DLGAP1: variants seen among roughly 807,000 people sequenced by gnomAD.
The protein encoded by DLGAP1 is DLG associated protein 1, also known as disks large-associated protein 1.
A neutral mutation model predicts 90.8 loss-of-function variants in DLGAP1; 11 were observed. The ratio of observed to expected loss-of-function variants is 0.12; its 90% CI spans 0.08 to 0.20. DLGAP1 has a LOEUF of 0.20. Ranked by LOEUF, DLGAP1 falls within the 10% of genes least tolerant of loss-of-function variation. The pLI, the probability that DLGAP1 is intolerant of heterozygous loss-of-function variation, is 1.00. For synonymous variants in DLGAP1, 558 were observed against 540.7 expected (o/e 1.03, Z -0.44); for missense variants, 1,050 against 1,333.8 (o/e 0.79, Z 3.31).
intron 7 of DLGAP1, among the ~76,000 whole-genome samples, chr18:3,649,701 C>T (rs1037888862): frequency 4.6e-5 from 7 of 151,948 alleles, no homozygotes; most frequent in Non-Finnish European, 7.3e-5. Context: ...CCTAGGGTCC[C>T]CCTTAAACTT....
intron 7 of DLGAP1, among the ~76,000 whole-genome samples, chr18:3,583,143 G>GACCTACCT (rs764967145): frequency 0.035 from 4,017 of 113,626 alleles, 110 homozygotes; most frequent in Non-Finnish European, 0.053. Flanking sequence ...CTGACTGACC[G>GACCTACCT]ACCTACCTAC....
At chr18:3,550,801 G>T (rs1489485645) in intron 9 of DLGAP1, among the ~76,000 whole-genome samples, 1 of 145,688 alleles carries the variant, frequency 6.9e-6, no homozygotes, top group Non-Finnish European at 1.5e-5. Flanking sequence ...GAGTGCAGTG[G>T]CTCAATCTCA....
At chr18:4,272,728 A>T (rs1176623927) in intron 1 of DLGAP1, among the ~76,000 whole-genome samples, 1 of 152,226 alleles carries the variant, frequency 6.6e-6, no homozygotes, top group Non-Finnish European at 1.5e-5. Flanking sequence ...AGTGGCCTAC[A>T]TTGTATGCCC....
intron 7 of DLGAP1, among the ~76,000 whole-genome samples, chr18:3,631,213 AC>A (rs2058512982): frequency 6.6e-6 from 1 of 151,526 alleles, no homozygotes; most frequent in African/African-American, 2.4e-5. Context: ...TGAACTCCTG[AC>A]CTCAGGTGAT....
chr18:4,018,495 T>C (rs1305881170), intron 2 of DLGAP1, among the ~76,000 whole-genome samples: 3 of 152,252 alleles, frequency 2.0e-5, no homozygotes, highest in Non-Finnish European at 2.9e-5. Flanking sequence ...ACGAGTACCT[T>C]GGCTCTGAAG....
intron 2 of DLGAP1, among the ~76,000 whole-genome samples, chr18:4,094,623 T>G (rs1447161258): frequency 3.3e-5 from 4 of 122,510 alleles, no homozygotes; most frequent in Non-Finnish European, 5.4e-5. Flanking sequence ...TTTTTTTTTT[T>G]GTCTTGTTTT....
At chr18:3,693,929 G>A (rs1048257163) in intron 7 of DLGAP1, among the ~76,000 whole-genome samples, 7 of 152,050 alleles carry the variant, frequency 4.6e-5, no homozygotes, top group African/African-American at 1.5e-4. Flanking sequence ...TGTGCAGAAC[G>A]TGCAGGTTTG....
At chr18:4,069,715 G>A (rs927288317) in intron 2 of DLGAP1, among the ~76,000 whole-genome samples, 2 of 152,076 alleles carry the variant, frequency 1.3e-5, no homozygotes, top group African/African-American at 2.4e-5. Flanking sequence ...TTCCCATACC[G>A]TTTGCAGAAC....
At chr18:3,880,309 G>A (rs1365226771) in intron 3 of DLGAP1, among the ~76,000 whole-genome samples, 169 bp from the exon 4 acceptor site, 1 of 151,860 alleles carries the variant, frequency 6.6e-6, no homozygotes, top group Non-Finnish European at 1.5e-5. Context: ...CCAGCCTCCC[G>A]AGTAGCTAGG....
At chr18:4,439,890 G>A (rs984225949) in intron 1 of DLGAP1, among the ~76,000 whole-genome samples, 9 of 152,002 alleles carry the variant, frequency 5.9e-5, no homozygotes, top group African/African-American at 1.4e-4. Flanking sequence ...AGACTGAGGC[G>A]GGCAGATCAC....
chr18:3,834,001 C>T (rs1385531556), intron 4 of DLGAP1, among the ~76,000 whole-genome samples: 1 of 152,242 alleles, frequency 6.6e-6, no homozygotes, highest in East Asian at 1.9e-4. Context: ...TTATCCAACT[C>T]ATAAATTGGT....
intron 7 of DLGAP1, among the ~76,000 whole-genome samples, chr18:3,702,453 T>C (rs560007177): frequency 6.6e-6 from 1 of 152,224 alleles, no homozygotes; most frequent in African/African-American, 2.4e-5. Context: ...TTCTATGGGA[T>C]GGCAATAGAC....
At chr18:3,964,117 G>C (rs1384913506) in intron 3 of DLGAP1, among the ~76,000 whole-genome samples, 1 of 152,092 alleles carries the variant, frequency 6.6e-6, no homozygotes, top group African/African-American at 2.4e-5. Flanking sequence ...TGATGAGCTG[G>C]ATATGTATAC....
intron 4 of DLGAP1, among the ~76,000 whole-genome samples, chr18:3,832,700 T>TC (rs2068097595): frequency 6.6e-6 from 1 of 151,738 alleles, no homozygotes; most frequent in Non-Finnish European, 1.5e-5. Context: ...GGAACATAAT[T>TC]CTAAGTCAGG....
chr18:4,439,505 G>T (rs2083478124), intron 1 of DLGAP1, among the ~76,000 whole-genome samples: 1 of 152,178 alleles, frequency 6.6e-6, no homozygotes, highest in African/African-American at 2.4e-5. Flanking sequence ...TTTACAAAGG[G>T]TGATCAAGAG....
chr18:4,154,644 C>T (rs1030119128), intron 1 of DLGAP1, among the ~76,000 whole-genome samples: 10 of 152,124 alleles, frequency 6.6e-5, no homozygotes, highest in East Asian at 5.8e-4. Flanking sequence ...GAGAAGGTCC[C>T]GATCAGGAAG....
At chr18:3,581,134 G>A (rs1184919766) in intron 8 of DLGAP1, among the ~76,000 whole-genome samples, 1 of 152,100 alleles carries the variant, frequency 6.6e-6, no homozygotes, top group Non-Finnish European at 1.5e-5. Context: ...CTTCAGCCAG[G>A]GCGCTCCTCA....
At chr18:3,560,108 T>G (rs1467436824) in intron 9 of DLGAP1, among the ~76,000 whole-genome samples, 1 of 152,054 alleles carries the variant, frequency 6.6e-6, no homozygotes, top group East Asian at 1.9e-4. Context: ...AACAAACTTA[T>G]CTGTTAGATC....
At chr18:3,676,717 G>A (rs1369009472) in intron 7 of DLGAP1, among the ~76,000 whole-genome samples, 1 of 150,854 alleles carries the variant, frequency 6.6e-6, no homozygotes, top group Non-Finnish European at 1.5e-5. Context: ...AAGAAATTGT[G>A]AGGTCAGTAT....
Sources: gnomAD v4.1 joint callset for allele counts (sites outside exome capture counted in the v4.1 genomes callset) on GRCh38, gnomAD v4.1.1 for gene constraint, MANE v1.5 for transcripts, NCBI Gene and HGNC (gene_info 2026-07-23, HGNC 2026-07-21) for gene names.